The following FAR2 variants were observed in gnomAD, a reference collection of about 807,000 sequenced individuals.
FAR2 encodes the protein epididymis secretory protein Li 81.
A neutral mutation model predicts 56.0 loss-of-function variants in FAR2; 19 were observed. The observed-to-expected ratio is 0.34, with a 90% CI of 0.24 to 0.50. FAR2 has a LOEUF of 0.50. FAR2 is among the 20% of genes least tolerant of loss of function. FAR2 has a pLI of 0.98. For missense variants in FAR2, 508 were observed against 642.2 expected (o/e 0.79, Z 2.26); for synonymous variants, 219 against 218.8 (o/e 1.00, Z -0.01).
intron 1 of FAR2, among the ~76,000 whole-genome samples, chr12:29,194,089 CCTGCAGA>C (rs1161697487): frequency 1.3e-5 from 2 of 152,118 alleles, no homozygotes; most frequent in Non-Finnish European, 2.9e-5. Flanking sequence ...ACCATTGACC[CCTGCAGA>C]CATTTAAGCT....
At chr12:29,285,398 T>G (rs913281755) in intron 2 of FAR2, among the ~76,000 whole-genome samples, 1 of 151,992 alleles carries the variant, frequency 6.6e-6, no homozygotes, top group Admixed American at 6.6e-5. Flanking sequence ...GCCCCGCCCC[T>G]CCAAAGGACT....
intron 1 of FAR2, among the ~76,000 whole-genome samples, chr12:29,200,137 G>T (rs192361847): frequency 2.0e-5 from 3 of 152,288 alleles, no homozygotes; most frequent in Admixed American, 1.3e-4. Context: ...GGACCAAACT[G>T]GGGGACTTCT....
At chr12:29,227,120 G>A (rs569620965) in intron 1 of FAR2, among the ~76,000 whole-genome samples, 1 of 152,330 alleles carries the variant, frequency 6.6e-6, no homozygotes, top group South Asian at 2.1e-4. Flanking sequence ...ATTTCTTAGA[G>A]TGTGGAGATG....
At chr12:29,253,184 T>C (rs1206150586) in intron 1 of FAR2, among the ~76,000 whole-genome samples, 2 of 151,786 alleles carry the variant, frequency 1.3e-5, no homozygotes, top group East Asian at 3.9e-4. Context: ...CCTATCTCTC[T>C]CTCTATCTAT....
chr12:29,262,587 G>A (rs182147185), intron 1 of FAR2, among the ~76,000 whole-genome samples: 32 of 152,222 alleles, frequency 2.1e-4, no homozygotes, highest in Admixed American at 4.6e-4. Context: ...CCAAGATTGT[G>A]CCACTGCACA....
rs903839600 is a variant in FAR2 at position 29,303,305 on chromosome 12, G to A, written c.546-4353G>A. Among the ~76,000 whole-genome samples, 3 of 152,182 alleles carry A rather than the reference G, an allele frequency of 2.0e-5. No individual in the cohort carries two copies. In the South Asian group the frequency reaches 6.2e-4, roughly 32 times the overall value. ...TTTATGAGCAGGCAAGTTTGGGAAA[G>A]ACTACCTTAAGGAGGTTTTTCACTG... On this transcript the variant is annotated intron_variant, in intron 4 of 11. Transcript: ENST00000536681.
intron 1 of FAR2, among the ~76,000 whole-genome samples, chr12:29,173,437 G>C (rs1420243840): frequency 6.6e-6 from 1 of 152,138 alleles, no homozygotes; most frequent in Non-Finnish European, 1.5e-5. Flanking sequence ...TTGCATAGTT[G>C]TGGATTCTCC....
intron 1 of FAR2, among the ~76,000 whole-genome samples, chr12:29,175,876 A>G (rs1949933392): frequency 6.6e-6 from 1 of 152,192 alleles, no homozygotes; most frequent in South Asian, 2.1e-4. Flanking sequence ...GCTAGACAGA[A>G]AAGTTCTTCA....
At chr12:29,160,547 A>G (rs555556386) in intron 1 of FAR2, among the ~76,000 whole-genome samples, 1 of 152,316 alleles carries the variant, frequency 6.6e-6, no homozygotes, top group African/African-American at 2.4e-5. Context: ...TTAACCTTTC[A>G]GTCTTCCCAA....
chr12:29,313,200 A>T (rs1351190708), intron 8 of FAR2, among the ~76,000 whole-genome samples: 1 of 152,182 alleles, frequency 6.6e-6, no homozygotes, highest in Non-Finnish European at 1.5e-5. Context: ...CTCAGGTGAC[A>T]TTACAAGGAG....
intron 1 of FAR2, among the ~76,000 whole-genome samples, chr12:29,206,907 G>C (rs917166476): frequency 2.0e-5 from 3 of 152,034 alleles, no homozygotes; most frequent in African/African-American, 7.2e-5. Flanking sequence ...CATCTGGAAA[G>C]ATTTCAAAAA....
Position 29,307,407 on chromosome 12 carries a change from G to GCCTACCTA in FAR2, c.546-234_546-227dup, listed in dbSNP as rs58056460. Among the ~76,000 whole-genome samples the GCCTACCTA allele has an allele frequency of 7.9e-3, 1,199 of 151,316 alleles. 14 individuals are homozygous for GCCTACCTA. Among genetic ancestry groups the GCCTACCTA allele is most frequent in the Non-Finnish European group, 0.013 (895 of 67,772 alleles). On this transcript the variant is annotated intron_variant, in intron 4 of 11. Transcript: ENST00000536681. ...TATCGGTCTATCTACCTACCTGCCT[G>GCCTACCTA]CCTACCTACCTACCTACCTACCTAT...
intron 1 of FAR2, among the ~76,000 whole-genome samples, chr12:29,153,701 C>T (rs540149752): frequency 9.2e-5 from 14 of 152,092 alleles, no homozygotes; most frequent in Admixed American, 2.6e-4. Context: ...GAGGACAGAG[C>T]GCAGGTGAGA....
chr12:29,316,395 C>A (rs1949452139), intron 8 of FAR2, among the ~76,000 whole-genome samples: 1 of 152,168 alleles, frequency 6.6e-6, no homozygotes, highest in South Asian at 2.1e-4. Context: ...TCTTTACAAT[C>A]TTTTACTTAA....
At chr12:29,240,777 CATT>C (rs1173073781) in intron 1 of FAR2, among the ~76,000 whole-genome samples, 1 of 150,824 alleles carries the variant, frequency 6.6e-6, no homozygotes, top group African/African-American at 2.5e-5. Context: ...CTAGGAATGT[CATT>C]GTGTGTGTGT....
intron 1 of FAR2, among the ~76,000 whole-genome samples, chr12:29,240,507 G>T (rs372023130): frequency 1.8e-5 from 2 of 108,478 alleles, no homozygotes; most frequent in Non-Finnish European, 3.7e-5. Context: ...AGAAATCATG[G>T]CACAAAATGG....
At chr12:29,241,378 C>T (rs930985237) in intron 1 of FAR2, among the ~76,000 whole-genome samples, 1 of 151,916 alleles carries the variant, frequency 6.6e-6, no homozygotes, top group Non-Finnish European at 1.5e-5. Context: ...AGAGGAATTT[C>T]TGTAAATTTA....
intron 1 of FAR2, among the ~76,000 whole-genome samples, chr12:29,255,088 C>G (rs1948296823): frequency 6.6e-6 from 1 of 152,172 alleles, no homozygotes; most frequent in Non-Finnish European, 1.5e-5. Context: ...GCTTGGACTT[C>G]CATAACAGAA....
chr12:29,194,549 A>ACACACACG (rs1006691559), intron 1 of FAR2, among the ~76,000 whole-genome samples: 5 of 151,626 alleles, frequency 3.3e-5, no homozygotes, highest in Admixed American at 3.3e-4. Flanking sequence ...ACACACACAC[A>ACACACACG]CACACACACA....
Sources: allele counts gnomAD v4.1 joint callset (sites outside exome capture counted in the v4.1 genomes callset), GRCh38; gene constraint gnomAD v4.1.1; transcripts MANE v1.5; gene names NCBI Gene and HGNC (gene_info 2026-07-23, HGNC 2026-07-21).